Variants in MYO1D observed in about 807,000 individuals in gnomAD.
MYO1D encodes the protein myosin ID, also known as unconventional myosin-Id.
Under a neutral mutation model 122.0 loss-of-function variants are expected in MYO1D, and 83 were observed. The ratio of observed to expected loss-of-function variants is 0.68; its 90% CI spans 0.57 to 0.82. The LOEUF is 0.82. Among genes scored for constraint, MYO1D ranks in the 40% least tolerant of loss-of-function variants. The pLI, the probability that MYO1D is intolerant of heterozygous loss-of-function variation, is 0.00. For missense variants in MYO1D, 1,157 were observed against 1,269.5 expected (o/e 0.91, Z 1.35); for synonymous variants, 464 against 446.9 (o/e 1.04, Z -0.48).
intron 20 of MYO1D, chr17:32,632,594 C>G (rs867244394): frequency 9.8e-6 from 1 of 102,456 alleles, no homozygotes; most frequent in Admixed American, 1.0e-4. Flanking sequence ...TATACACACA[C>G]ACACACACAC....
chr17:32,718,697 C>CA (rs535356357), intron 15 of MYO1D, among the ~76,000 whole-genome samples: 11 of 149,552 alleles, frequency 7.4e-5, no homozygotes, highest in Non-Finnish European at 1.5e-4. Context: ...AAGACCCTGT[C>CA]AAAAAAAGAA....
chr17:32,585,732 C>T (rs559510360), intron 21 of MYO1D, among the ~76,000 whole-genome samples: 3 of 133,924 alleles, frequency 2.2e-5, no homozygotes, highest in Non-Finnish European at 4.8e-5. Flanking sequence ...AGCAAGAATC[C>T]GTCTCAAAAT....
intron 21 of MYO1D, among the ~76,000 whole-genome samples, chr17:32,549,981 T>A (rs951854873): frequency 7.2e-5 from 11 of 152,162 alleles, no homozygotes; most frequent in Non-Finnish European, 1.5e-4. Context: ...CCTAATTTAG[T>A]GTTCTATGAT....
At chr17:32,743,778 C>G (rs751014198) in intron 13 of MYO1D, among the ~76,000 whole-genome samples, 2 of 151,958 alleles carry the variant, frequency 1.3e-5, no homozygotes. Context: ...CCGCCACACC[C>G]GGCTAATTTT....
intron 19 of MYO1D, among the ~76,000 whole-genome samples, chr17:32,646,662 G>A (rs1457140754): frequency 6.6e-6 from 1 of 151,990 alleles, no homozygotes; most frequent in East Asian, 1.9e-4. Context: ...AACAACAAAC[G>A]AAAACCTCAA....
intron 19 of MYO1D, among the ~76,000 whole-genome samples, chr17:32,640,311 C>T (rs2088177473): frequency 6.6e-6 from 1 of 152,124 alleles, no homozygotes; most frequent in Admixed American, 6.5e-5. Context: ...TCTATAGCAG[C>T]ATTTTTCTTT....
intron 20 of MYO1D, among the ~76,000 whole-genome samples, chr17:32,606,222 A>C (rs1323634427): frequency 6.6e-6 from 1 of 152,246 alleles, no homozygotes; most frequent in East Asian, 1.9e-4. Context: ...AAACATTTTG[A>C]AAAAGAAAAT....
intron 20 of MYO1D, among the ~76,000 whole-genome samples, chr17:32,611,421 T>C (rs1482699659): frequency 6.6e-6 from 1 of 152,176 alleles, no homozygotes; most frequent in African/African-American, 2.4e-5. Context: ...GAGGATCTTC[T>C]GGATGTGTAG....
At chr17:32,613,113 T>G (rs980702521) in intron 20 of MYO1D, among the ~76,000 whole-genome samples, 1 of 152,048 alleles carries the variant, frequency 6.6e-6, no homozygotes, top group Non-Finnish European at 1.5e-5. Context: ...TAAAATTGAC[T>G]TAAAGAAAGA....
At chr17:32,545,226 G>A (rs578013856) in intron 21 of MYO1D, among the ~76,000 whole-genome samples, 9 of 152,142 alleles carry the variant, frequency 5.9e-5, no homozygotes, top group Non-Finnish European at 1.0e-4. Context: ...CCCAGCTGTG[G>A]GCACCTCTGG....
chr17:32,747,464 AT>A (rs2089849547), intron 12 of MYO1D, among the ~76,000 whole-genome samples: 1 of 152,180 alleles, frequency 6.6e-6, no homozygotes. Flanking sequence ...AAAATATGTG[AT>A]TAATGATCTT....
At chr17:32,606,787 A>T (rs546354275) in intron 20 of MYO1D, among the ~76,000 whole-genome samples, 1 of 152,230 alleles carries the variant, frequency 6.6e-6, no homozygotes, top group African/African-American at 2.4e-5. Context: ...ATCGGGAGCA[A>T]TGCAAGGATT....
At chr17:32,724,431 G>A (rs770548202) in intron 14 of MYO1D, among the ~76,000 whole-genome samples, 4 of 152,092 alleles carry the variant, frequency 2.6e-5, no homozygotes, top group Non-Finnish European at 4.4e-5. Flanking sequence ...AACTAGAATA[G>A]GTAAACAAAA....
chr17:32,859,832 T>C (rs1355748185), intron 1 of MYO1D, among the ~76,000 whole-genome samples: 1 of 152,194 alleles, frequency 6.6e-6, no homozygotes, highest in East Asian at 1.9e-4. Context: ...CTATCCAATA[T>C]CCTATTCTGC....
At chr17:32,608,783 T>A (rs1694997462) in intron 20 of MYO1D, among the ~76,000 whole-genome samples, 1 of 152,162 alleles carries the variant, frequency 6.6e-6, no homozygotes, top group African/African-American at 2.4e-5. Context: ...ATAAACAAAC[T>A]GTGGTACATT....
chr17:32,643,403 G>C (rs890989660), intron 19 of MYO1D, among the ~76,000 whole-genome samples: 1 of 152,106 alleles, frequency 6.6e-6, no homozygotes, highest in Non-Finnish European at 1.5e-5. Flanking sequence ...TTGTGTCTCT[G>C]CCAGGCTTTG....
intron 21 of MYO1D, among the ~76,000 whole-genome samples, chr17:32,573,384 C>T (rs901376583): frequency 2.6e-5 from 4 of 152,186 alleles, no homozygotes; most frequent in African/African-American, 9.6e-5. Context: ...CACTCTATTT[C>T]TCTCTTGATT....
chr17:32,696,259 CTA>C (rs1424296898), intron 16 of MYO1D, among the ~76,000 whole-genome samples: 44 of 151,724 alleles, frequency 2.9e-4, no homozygotes, highest in Admixed American at 2.9e-3. Flanking sequence ...GAAAAACTGA[CTA>C]TTATTAGGAA....
At chr17:32,784,944 G>GA (rs1204830436) in intron 1 of MYO1D, among the ~76,000 whole-genome samples, 4 of 152,140 alleles carry the variant, frequency 2.6e-5, no homozygotes, top group Non-Finnish European at 4.4e-5. Context: ...GATATGATAT[G>GA]AAAACCAGGC....
Sources: gnomAD v4.1 joint callset for allele counts (sites outside exome capture counted in the v4.1 genomes callset) on GRCh38, gnomAD v4.1.1 for gene constraint, MANE v1.5 for transcripts, NCBI Gene and HGNC (gene_info 2026-07-23, HGNC 2026-07-21) for gene names.